PCDH15: variants seen among roughly 807,000 people sequenced by gnomAD.
PCDH15 encodes protocadherin-15.
In PCDH15, 129 loss-of-function variants were observed where a neutral mutation model predicts 178.5. That is an observed-to-expected ratio of 0.72 (90% CI 0.63 to 0.84). The LOEUF is 0.84. Among genes scored for constraint, PCDH15 ranks in the 40% least tolerant of loss-of-function variants. PCDH15 has a pLI of 0.00. For missense variants in PCDH15, 2,230 were observed against 2,099.9 expected, an observed-to-expected ratio of 1.06 and a Z score of -1.21; for synonymous variants, 800 against 732.0, an observed-to-expected ratio of 1.09 and a Z score of -1.50.
At chr10:54,453,837 G>GAGCCCTCAGAGGAAGTAC (rs1442187418) in intron 3 of PCDH15, among the ~76,000 whole-genome samples, 1 of 151,808 alleles carries the variant, frequency 6.6e-6, no homozygotes, top group African/African-American at 2.4e-5. Context: ...TCCTTCCCTA[G>GAGCCCTCAGAGGAAGTAC]AGCCCTCAGA....
intron 2 of PCDH15, among the ~76,000 whole-genome samples, chr10:54,592,566 A>G (rs1388938705): frequency 6.6e-6 from 1 of 152,194 alleles, no homozygotes; most frequent in East Asian, 1.9e-4. Flanking sequence ...TACAATAGGT[A>G]TATGCCACAT....
chr10:54,528,366 GT>G, intron 2 of PCDH15: 1 of 1,563,692 alleles, frequency 6.4e-7, no homozygotes, highest in Non-Finnish European at 8.7e-7. Flanking sequence ...GTTGTTTGGG[GT>G]TTTTATTTTT....
rs1309019844 is a variant in PCDH15, at chr10:55,231,932, G to T, written c.-155-65281C>A. ...TATAATAAGATTAATAATAGGAAGGGTAATTATATTTCCATTGTTTGGACA... is the reference window on the plus strand; with the variant it reads ...TATAATAAGATTAATAATAGGAAGGTTAATTATATTTCCATTGTTTGGACA... On this transcript the variant is annotated intron_variant, in intron 1 of 5. Coordinates refer to the PCDH15 transcript ENST00000458638. 2.0e-5 allele frequency among the ~76,000 whole-genome samples: 3 copies of T among 151,884 alleles called. No individual in the cohort carries two copies. The East Asian group carries it at 5.8e-4, about 29-fold the overall frequency.
chr10:55,322,499 A>G (rs1311995098), upstream of PCDH15, among the ~76,000 whole-genome samples: 5 of 152,136 alleles, frequency 3.3e-5, no homozygotes, highest in Non-Finnish European at 7.3e-5. Flanking sequence ...AAAATGTGGG[A>G]ATGTTTAGAA....
chr10:54,257,393 G>A (rs1470356522), intron 8 of PCDH15, among the ~76,000 whole-genome samples: 2 of 127,592 alleles, frequency 1.6e-5, no homozygotes, highest in Non-Finnish European at 1.6e-5. Flanking sequence ...GAAATAAAGA[G>A]AATTGTCTTC....
intron 2 of PCDH15, among the ~76,000 whole-genome samples, chr10:55,363,665 C>A (rs998506260): frequency 6.6e-6 from 1 of 151,882 alleles, no homozygotes; most frequent in Admixed American, 6.6e-5. Flanking sequence ...GACGGAATTT[C>A]GCTCTTGTTG....
At chr10:54,023,338 A>T (rs2135326316) in intron 18 of PCDH15, 141 bp from the exon 19 acceptor site, 1 of 700,142 alleles carries the variant, frequency 1.4e-6, no homozygotes, top group South Asian at 1.8e-5. Context: ...CAATGACAAT[A>T]CAATGCAAAA....
At chr10:54,939,410 G>T (rs1267798351) in intron 2 of PCDH15, among the ~76,000 whole-genome samples, 4 of 145,942 alleles carry the variant, frequency 2.7e-5, no homozygotes, top group Admixed American at 1.4e-4. Flanking sequence ...CAGGAGAATG[G>T]CATGAACCCG....
At chr10:54,077,036 C>CT (rs928990457) in intron 17 of PCDH15, among the ~76,000 whole-genome samples, 2 of 152,140 alleles carry the variant, frequency 1.3e-5, no homozygotes, top group South Asian at 2.1e-4. Flanking sequence ...TATATAATCA[C>CT]TTTTTTTCTT....
intron 2 of PCDH15, among the ~76,000 whole-genome samples, chr10:55,334,504 T>TC (rs144706472): frequency 0.061 from 9,219 of 151,482 alleles, 406 homozygotes; most frequent in Admixed American, 0.088. Flanking sequence ...ACATGGCTTC[T>TC]CCATGTTGGT....
At chr10:54,779,394 CTA>C (rs1293157159) in intron 1 of PCDH15, among the ~76,000 whole-genome samples, 113 of 104,058 alleles carry the variant, frequency 1.1e-3, no homozygotes, top group African/African-American at 3.7e-3. Context: ...CTCTCTCTCT[CTA>C]TATATATATG....
In PCDH15 at chr10:53,973,999, ATATTTGTT is replaced by A. The variant is rs527428153; in HGVS notation, c.2869-12115_2869-12108del. On this transcript the variant is annotated intron_variant, in intron 21 of 37. Transcript: ENST00000644397. ...AATAACTGAATTTAATGACAATTTT[ATATTTGTT>A]TATTTGTTTATTTTACCTTATTTTT... Among the ~76,000 whole-genome samples the A allele has an allele frequency of 5.3e-3, 400 of 76,060 alleles. 2 individuals carry two copies. Among genetic ancestry groups the A allele is most frequent in the African/African-American group, 0.015 (382 of 25,768 alleles). The allele number at this position is 76,060 out of a possible 152,430, so 49.9% of individuals were successfully genotyped here.
chr10:55,260,926 T>C (rs1842132862), intron 1 of PCDH15, among the ~76,000 whole-genome samples: 1 of 152,206 alleles, frequency 6.6e-6, no homozygotes, highest in African/African-American at 2.4e-5. Context: ...ATCTGTGAAC[T>C]GTGTCTTGTA....
At chr10:53,830,041 C>T (rs1172217588) in intron 30 of PCDH15, among the ~76,000 whole-genome samples, 1 of 152,130 alleles carries the variant, frequency 6.6e-6, no homozygotes, top group Non-Finnish European at 1.5e-5. Context: ...CGGTGGCTCA[C>T]ACCTGTAATC....
At chr10:54,765,751 T>C (rs1948433497) in intron 1 of PCDH15, among the ~76,000 whole-genome samples, 1 of 152,078 alleles carries the variant, frequency 6.6e-6, no homozygotes, top group South Asian at 2.1e-4. Flanking sequence ...TTCAGATCTA[T>C]TAAGAAAGTC....
intron 3 of PCDH15, among the ~76,000 whole-genome samples, chr10:54,435,102 G>C (rs2075296558): frequency 6.6e-6 from 1 of 152,032 alleles, no homozygotes; most frequent in Non-Finnish European, 1.5e-5. Flanking sequence ...ACTGATTTCA[G>C]AATTACAATC....
At chr10:53,870,036 G>T (rs1263471270) in intron 26 of PCDH15, among the ~76,000 whole-genome samples, 1 of 152,166 alleles carries the variant, frequency 6.6e-6, no homozygotes, top group Non-Finnish European at 1.5e-5. Context: ...ATTTGGAAAA[G>T]AAAAGGTGGT....
chr10:54,716,357 C>T (rs902859470), intron 1 of PCDH15, among the ~76,000 whole-genome samples: 1 of 152,106 alleles, frequency 6.6e-6, no homozygotes, highest in Non-Finnish European at 1.5e-5. Context: ...ATGCAAAACA[C>T]AATAGAAAAT....
chr10:55,599,834 G>T, intron 2 of PCDH15: 2 of 974,212 alleles, frequency 2.1e-6, no homozygotes, highest in Non-Finnish European at 2.9e-6. Flanking sequence ...TATGTTTAAG[G>T]GTTGCGGTAT....
Sources: gnomAD v4.1 joint callset for allele counts (sites outside exome capture counted in the v4.1 genomes callset) on GRCh38, gnomAD v4.1.1 for gene constraint, MANE v1.5 for transcripts, NCBI Gene and HGNC (gene_info 2026-07-23, HGNC 2026-07-21) for gene names.